Variants in RABGAP1L observed in about 807,000 individuals in gnomAD.
RABGAP1L encodes the protein RAB GTPase activating protein 1 like.
RABGAP1L carries 63 observed loss-of-function variants against 137.7 expected under a neutral mutation model. That is an observed-to-expected ratio of 0.46 (90% CI 0.37 to 0.56). The LOEUF is 0.56. Among genes scored for constraint, RABGAP1L ranks in the 20% least tolerant of loss-of-function variants. The probability of loss-of-function intolerance (pLI) is 0.00; values close to 1 mark genes in which losing one functional copy is unlikely to be tolerated. For missense variants in RABGAP1L, 1,095 were observed against 1,244.0 expected, an observed-to-expected ratio of 0.88 and a Z score of 1.80; for synonymous variants, 431 against 433.7, an observed-to-expected ratio of 0.99 and a Z score of 0.08.
In RABGAP1L at chr1:174,220,989, TG is replaced by T. The variant is rs1457258036; in HGVS notation, c.157del (p.Glu53AsnfsTer11). ...GTCTGTAGATAGTTTCTAATGGTGATGAACAATTGGAAAAAGCCATGGAAGA... is the reference window on the plus strand; with the variant it reads ...GTCTGTAGATAGTTTCTAATGGTGATAACAATTGGAAAAAGCCATGGAAGA... ...PQLKIVSNGD[E>X]QLEKAMEEIL... On this transcript the variant is annotated frameshift_variant, in exon 3 of 26. Coordinates refer to ENST00000681986, the MANE Select transcript of RABGAP1L (RefSeq NM_001366446.1). LOFTEE classifies it high-confidence loss of function. 1 of 1,611,048 alleles carries T rather than the reference TG, an allele frequency of 6.2e-7. No homozygotes were observed. The highest frequency in any genetic ancestry group is 1.1e-5 in the South Asian group (1 of 90,588).
At chr1:174,852,041 C>T (rs1648454792) in intron 19 of RABGAP1L, among the ~76,000 whole-genome samples, 1 of 152,064 alleles carries the variant, frequency 6.6e-6, no homozygotes, top group Non-Finnish European at 1.5e-5. Flanking sequence ...GGTAGTTTAC[C>T]TTTTAAGTTG....
chr1:174,512,526 T>C (rs1477475098), intron 13 of RABGAP1L, among the ~76,000 whole-genome samples: 2 of 152,190 alleles, frequency 1.3e-5, no homozygotes, highest in African/African-American at 4.8e-5. Context: ...ATGTTATACT[T>C]TAGCACAACA....
intron 19 of RABGAP1L, among the ~76,000 whole-genome samples, chr1:174,909,038 G>T (rs935005926): frequency 6.6e-6 from 1 of 151,128 alleles, no homozygotes; most frequent in Non-Finnish European, 1.5e-5. Flanking sequence ...CATTAACCAG[G>T]TATGGTGGTA....
chr1:174,889,127 A>AC (rs1041153909), intron 19 of RABGAP1L, among the ~76,000 whole-genome samples: 8 of 144,402 alleles, frequency 5.5e-5, no homozygotes, highest in African/African-American at 9.9e-5. Context: ...TTTAATTTTA[A>AC]CTTTTTTTTT....
intron 19 of RABGAP1L, among the ~76,000 whole-genome samples, chr1:174,881,679 T>A (rs1397667913): frequency 6.6e-6 from 1 of 151,752 alleles, no homozygotes; most frequent in African/African-American, 2.4e-5. Context: ...TTTGTATTTT[T>A]AGTGGAGACA....
intron 1 of RABGAP1L, among the ~76,000 whole-genome samples, chr1:174,210,215 C>G (rs1668783814): frequency 6.6e-6 from 1 of 152,170 alleles, no homozygotes; most frequent in Non-Finnish European, 1.5e-5. Flanking sequence ...CGACAAGCAT[C>G]AAGACCATTC....
At chr1:174,545,590 C>T (rs1256040226) in intron 13 of RABGAP1L, 1 of 152,366 alleles carries the variant, frequency 6.6e-6, no homozygotes. Flanking sequence ...TGGGCTGCAC[C>T]CACTGTGTGA....
intron 17 of RABGAP1L, among the ~76,000 whole-genome samples, chr1:174,729,011 T>G (rs1390424309): frequency 6.6e-6 from 1 of 152,082 alleles, no homozygotes; most frequent in Non-Finnish European, 1.5e-5. Flanking sequence ...AGAGCCCAAA[T>G]AGCCAAAGCA....
chr1:174,551,722 AAC>A (rs983348901), intron 13 of RABGAP1L, among the ~76,000 whole-genome samples: 2 of 151,668 alleles, frequency 1.3e-5, no homozygotes, highest in Non-Finnish European at 2.9e-5. Flanking sequence ...ATACAAAAAC[AAC>A]AGAGAAAAAC....
chr1:174,642,985 A>G (rs1020069673), intron 14 of RABGAP1L, among the ~76,000 whole-genome samples: 6 of 151,914 alleles, frequency 3.9e-5, no homozygotes, highest in Non-Finnish European at 8.8e-5. Flanking sequence ...GGGTTTCACT[A>G]TGTCAATCAG....
intron 19 of RABGAP1L, among the ~76,000 whole-genome samples, chr1:174,933,036 A>G (rs552790819): frequency 6.6e-6 from 1 of 152,150 alleles, no homozygotes; most frequent in Non-Finnish European, 1.5e-5. Flanking sequence ...TGTTGCTTCT[A>G]TATCTTCTCA....
intron 12 of RABGAP1L, among the ~76,000 whole-genome samples, chr1:174,378,709 G>C (rs1342892211): frequency 2.0e-5 from 3 of 151,506 alleles, no homozygotes; most frequent in Admixed American, 2.0e-4. Context: ...TGAGTAGGTT[G>C]CGAAAATTTT....
intron 14 of RABGAP1L, among the ~76,000 whole-genome samples, chr1:174,677,211 A>G (rs1393782345): frequency 6.6e-6 from 1 of 151,422 alleles, no homozygotes; most frequent in East Asian, 1.9e-4. Context: ...AGCCCCAGCT[A>G]TTTGGGAGGC....
At chr1:174,460,646 A>T (rs1321816706) in intron 13 of RABGAP1L, among the ~76,000 whole-genome samples, 6 of 152,188 alleles carry the variant, frequency 3.9e-5, no homozygotes, top group Non-Finnish European at 1.5e-5. Flanking sequence ...TTCCCAAAGG[A>T]GTGATCCAGT....
intron 18 of RABGAP1L, among the ~76,000 whole-genome samples, chr1:174,808,535 C>A (rs562442322): frequency 6.6e-6 from 1 of 152,294 alleles, no homozygotes; most frequent in Admixed American, 6.5e-5. Flanking sequence ...ATTTGAGCAA[C>A]ACAGATGCTA....
chr1:174,226,570 G>C (rs1045579323), intron 3 of RABGAP1L, among the ~76,000 whole-genome samples: 3 of 152,124 alleles, frequency 2.0e-5, no homozygotes, highest in Non-Finnish European at 2.9e-5. Flanking sequence ...TTTTGCTTCA[G>C]CTGTTTTGAA....
intron 13 of RABGAP1L, among the ~76,000 whole-genome samples, chr1:174,443,193 A>G (rs1654349800): frequency 6.6e-6 from 1 of 151,950 alleles, no homozygotes; most frequent in Admixed American, 6.6e-5. Flanking sequence ...TAGTGCATTT[A>G]TCTGTTTGAT....
At chr1:174,949,347 A>G (rs2149319781) in intron 19 of RABGAP1L, among the ~76,000 whole-genome samples, 1 of 152,348 alleles carries the variant, frequency 6.6e-6, no homozygotes, top group African/African-American at 2.4e-5. Context: ...AATTTATGGC[A>G]CTAGTTCTGA....
chr1:174,597,076 A>T (rs1670001264), intron 13 of RABGAP1L, among the ~76,000 whole-genome samples: 1 of 152,210 alleles, frequency 6.6e-6, no homozygotes, highest in African/African-American at 2.4e-5. Context: ...TCAGTTGATC[A>T]TGATGAATGA....
Sources: gnomAD v4.1 joint callset for allele counts (sites outside exome capture counted in the v4.1 genomes callset) on GRCh38, gnomAD v4.1.1 for gene constraint, MANE v1.5 for transcripts, NCBI Gene and HGNC (gene_info 2026-07-23, HGNC 2026-07-21) for gene names.